Variants in OVCH2 observed in about 807,000 individuals in gnomAD.
OVCH2 encodes the protein ovochymase-2.
Under a neutral mutation model 73.7 loss-of-function variants are expected in OVCH2, and 88 were observed. The ratio of observed to expected loss-of-function variants is 1.19; its 90% CI spans 1.01 to 1.43. The LOEUF (loss-of-function observed/expected upper bound fraction) is 1.43. Ranked by LOEUF, OVCH2 falls within the 40% of genes most tolerant of loss-of-function variation. OVCH2 has a pLI of 0.00. For synonymous variants in OVCH2, 265 were observed against 234.5 expected (o/e 1.13, Z -1.19); for missense variants, 706 against 674.5 (o/e 1.05, Z -0.52).
chr11:7,683,698 T>G, the OVCH2 span, among the ~76,000 whole-genome samples: 1 of 152,186 alleles, frequency 6.6e-6, no homozygotes, highest in East Asian at 1.9e-4. Context: ...TTCTCTGATA[T>G]CCCCATGCTC....
chr11:7,694,501 G>C (rs1391650879), intron 12 of OVCH2, among the ~76,000 whole-genome samples: 1 of 152,064 alleles, frequency 6.6e-6, no homozygotes, highest in Non-Finnish European at 1.5e-5. Context: ...TGGCCTGATT[G>C]ACCTTGATTT....
At chr11:7,690,130 G>C (rs1447088416) in intron 14 of OVCH2, 117 bp from the exon 15 acceptor site, 1 of 693,030 alleles carries the variant, frequency 1.4e-6, no homozygotes, top group African/African-American at 1.8e-5. Flanking sequence ...CAGCCAGCTA[G>C]ACTCTATAGG....
intron 12 of OVCH2, among the ~76,000 whole-genome samples, chr11:7,692,293 C>T (rs935163339): frequency 1.2e-4 from 19 of 152,060 alleles, no homozygotes; most frequent in Admixed American, 1.2e-3. Context: ...GATTTTTTTC[C>T]TTGGAAGCAA....
chr11:7,694,497 G>A (rs982232850), intron 12 of OVCH2, among the ~76,000 whole-genome samples: 1 of 152,118 alleles, frequency 6.6e-6, no homozygotes, highest in African/African-American at 2.4e-5. Flanking sequence ...ATTTTGGCCT[G>A]ATTGACCTTG....
At chr11:7,685,076 T>A (rs1856127961), downstream of OVCH2, among the ~76,000 whole-genome samples, 1 of 152,192 alleles carries the variant, frequency 6.6e-6, no homozygotes, top group Admixed American at 6.5e-5. Flanking sequence ...AGGCATTCTT[T>A]CTCACTTGAC....
At chr11:7,688,181 T>G (rs1191244802), downstream of OVCH2, among the ~76,000 whole-genome samples, 2 of 152,102 alleles carry the variant, frequency 1.3e-5, 1 homozygote, top group Non-Finnish European at 2.9e-5. Context: ...CCTTTTCTCT[T>G]TTTCCTCTAA....
chr11:7,701,526 G>C lies in OVCH2; in HGVS notation c.560-51C>G, dbSNP rs376876005. 1.1e-5 allele frequency: 18 copies of C among 1,578,722 alleles called. No individual in the cohort carries two copies. The East Asian group carries it at 1.2e-4, about 10-fold the overall frequency. On this transcript the variant is annotated intron_variant, in intron 5 of 15. Transcript: ENST00000533663. ...CAGCAGGAACTCTTTCACCCTTTCT[G>C]AGTTGAAGATGCATCATTTGTGTTT...
intron 8 of OVCH2, among the ~76,000 whole-genome samples, chr11:7,698,290 C>T (rs776407919): frequency 5.9e-5 from 9 of 152,160 alleles, no homozygotes; most frequent in African/African-American, 9.7e-5. Flanking sequence ...AAGATTTGAA[C>T]TAAAGTGTCT....
At chr11:7,698,328 C>A (rs754204862) in intron 8 of OVCH2, among the ~76,000 whole-genome samples, 79 of 152,158 alleles carry the variant, frequency 5.2e-4, no homozygotes, top group Non-Finnish European at 7.6e-4. Flanking sequence ...ACACTATTTT[C>A]TTTATGGATG....
chr11:7,702,276 G>C lies in OVCH2; in HGVS notation c.344C>G (p.Thr115Arg), dbSNP rs1856458170. ...AGTGAGAGTTTGCTCTCCTGGGTCT[G>C]TCTGGCTTAAGTCATACTCTCCAGC... Reference protein sequence around the residue: ...VTAGEYDLSQTDPGEQTLTIE... With the variant: ...VTAGEYDLSQRDPGEQTLTIE... Residue 115 changes from threonine (T) to arginine (R), a missense_variant, in exon 4 of 16, where the codon ACA (threonine) becomes AGA (arginine). Physicochemically the swap from Thr to Arg is moderately conservative, Grantham distance 71 (BLOSUM62 -1). Coordinates refer to ENST00000533663, the MANE Select transcript of OVCH2 (RefSeq NM_198185.7). 6.2e-7 allele frequency: 1 copy of C among 1,611,918 alleles called. No homozygotes were observed. The highest frequency in any genetic ancestry group is 2.2e-5 in the East Asian group (1 of 44,844).
chr11:7,695,580 G>A lies in OVCH2; in HGVS notation c.1272C>T (p.Asn424=). ...FNLTYKALKP[N]YIPDSGCSYL... ...AGTAAATGGTTTTACCAGGAATGTA[G>A]TTTGGTTTAAGAGCTTTATAGGTAA... is the stretch of plus-strand genomic sequence containing the variant. The change falls in exon 11 of 16, where the codon AAC becomes AAT. Residue 424 remains asparagine, a synonymous_variant. Coordinates refer to ENST00000533663, the MANE Select transcript of OVCH2 (RefSeq NM_198185.7). 6.2e-7 allele frequency: 1 copy of A among 1,613,224 alleles called. No homozygotes were observed. Among genetic ancestry groups the A allele is most frequent in the South Asian group, 1.1e-5 (1 of 90,940 alleles).
chr11:7,691,924 A>T lies in OVCH2; in HGVS notation c.1485T>A (p.Asp495Glu), dbSNP rs903723635. ...AACCTATTTCCTTCTTCCTTTCTAC[A>T]TCGCTGTGCACTGTCACATAGTCGG... ...CTSDYVTVHS[D>E]VERKKEIARL... The change falls in exon 13 of 16, where the codon GAT becomes GAA. Residue 495 changes from aspartate to glutamate, a missense_variant. Asp to Glu is a conservative substitution (Grantham distance 45). Transcript: ENST00000533663. 1 of 1,572,420 alleles carries T rather than the reference A, an allele frequency of 6.4e-7. No individual in the cohort carries two copies. Among genetic ancestry groups the T allele is most frequent in the African/African-American group, 1.3e-5 (1 of 74,360 alleles).
downstream of OVCH2, among the ~76,000 whole-genome samples, chr11:7,689,043 T>A (rs577933646): frequency 2.9e-4 from 44 of 152,336 alleles, no homozygotes; most frequent in African/African-American, 1.0e-3. Flanking sequence ...TGTGATGGCT[T>A]TTTTGATATG....
chr11:7,700,609 C>A, intron 6 of OVCH2, 124 bp from the exon 7 acceptor site: 2 of 1,103,238 alleles, frequency 1.8e-6, no homozygotes, highest in Non-Finnish European at 1.3e-6. Flanking sequence ...ATAATTTAGA[C>A]TCAGGGTCCT....
chr11:7,697,016 A>C, intron 8 of OVCH2: 3 of 492,720 alleles, frequency 6.1e-6, no homozygotes, highest in South Asian at 2.7e-5. Context: ...TCTTTCCTTA[A>C]CTCTTCTCTC....
chr11:7,691,771 G>A, intron 13 of OVCH2, 131 bp downstream of exon 13: 4 of 678,116 alleles, frequency 5.9e-6, no homozygotes, highest in Non-Finnish European at 9.9e-6. Flanking sequence ...AAGGAGTGAT[G>A]GTGAGACCAC....
At chr11:7,687,135 G>A (rs1182244334), downstream of OVCH2, among the ~76,000 whole-genome samples, 17 of 150,002 alleles carry the variant, frequency 1.1e-4, no homozygotes, top group Admixed American at 6.6e-4. Context: ...CCCCAACCCC[G>A]CAAAAAAAAA....
intron 8 of OVCH2, among the ~76,000 whole-genome samples, chr11:7,697,375 A>G (rs565308798): frequency 4.6e-5 from 7 of 152,210 alleles, no homozygotes; most frequent in Admixed American, 6.5e-5. Context: ...ACTTTATTCT[A>G]TAAGTGCAGG....
rs1229884554 is a variant in OVCH2, at chr11:7,702,340, C to G, written c.291-11G>C. 1 of 1,569,724 alleles carries G rather than the reference C, an allele frequency of 6.4e-7. No homozygotes were observed. The highest frequency in any genetic ancestry group is 8.6e-7 in the Non-Finnish European group (1 of 1,161,674). Reference sequence around the variant, plus strand: ...GTAGACACAATGTTTCTATGGAAAGCAAAGAGTAAAATGAATGAATTTCAT... The same window carrying G: ...GTAGACACAATGTTTCTATGGAAAGGAAAGAGTAAAATGAATGAATTTCAT... On this transcript the variant is annotated splice_polypyrimidine_tract_variant and intron_variant, in intron 3 of 15. Coordinates refer to ENST00000533663, the MANE Select transcript of OVCH2 (RefSeq NM_198185.7).
Sources: gnomAD v4.1 joint callset for allele counts (sites outside exome capture counted in the v4.1 genomes callset) on GRCh38, gnomAD v4.1.1 for gene constraint, MANE v1.5 for transcripts, NCBI Gene and HGNC (gene_info 2026-07-23, HGNC 2026-07-21) for gene names.